Variants in ATG10 observed in about 807,000 individuals in gnomAD.
ATG10 encodes the protein ubiquitin-like-conjugating enzyme ATG10.
In ATG10, 30 loss-of-function variants were observed where a neutral mutation model predicts 32.1. The ratio of observed to expected loss-of-function variants is 0.94; its 90% confidence interval spans 0.70 to 1.27. ATG10 has a LOEUF of 1.27. Ranked by LOEUF, ATG10 falls within the 50% of genes most tolerant of loss-of-function variation. ATG10 has a pLI of 0.00. For missense variants in ATG10, 233 were observed against 262.3 expected, an observed-to-expected ratio of 0.89 and a Z score of 0.77; for synonymous variants, 87 against 91.5, an observed-to-expected ratio of 0.95 and a Z score of 0.28.
At chr5:82,155,083 G>A (rs1767753379) in intron 3 of ATG10, among the ~76,000 whole-genome samples, 1 of 152,214 alleles carries the variant, frequency 6.6e-6, no homozygotes, top group South Asian at 2.1e-4. Context: ...CTGAATTTGA[G>A]TGTAGAAGTT....
intron 3 of ATG10, among the ~76,000 whole-genome samples, chr5:82,111,874 G>A (rs1428939): frequency 0.45 from 68,984 of 151,732 alleles, 17,066 homozygotes; most frequent in East Asian, 0.78. Context: ...TATTTACAGC[G>A]TGATAGATGA....
At chr5:82,155,708 C>G (rs1273465229) in intron 3 of ATG10, among the ~76,000 whole-genome samples, 1 of 152,106 alleles carries the variant, frequency 6.6e-6, no homozygotes, top group East Asian at 1.9e-4. Context: ...ACTCTTTGTT[C>G]TTAATCTTCT....
At chr5:82,095,020 C>T (rs1765007238) in intron 3 of ATG10, among the ~76,000 whole-genome samples, 1 of 151,974 alleles carries the variant, frequency 6.6e-6, no homozygotes, top group African/African-American at 2.4e-5. Flanking sequence ...AGTTTCTGTT[C>T]TTATATATAG....
intron 3 of ATG10, among the ~76,000 whole-genome samples, chr5:82,162,557 A>G (rs1054669669): frequency 1.3e-5 from 2 of 152,162 alleles, no homozygotes; most frequent in African/African-American, 4.8e-5. Context: ...TGCACCATAG[A>G]AAAAATAGAG....
chr5:82,238,957 A>G (rs1746678552), intron 5 of ATG10, among the ~76,000 whole-genome samples: 1 of 152,148 alleles, frequency 6.6e-6, no homozygotes, highest in Non-Finnish European at 1.5e-5. Context: ...ATAAGATACT[A>G]TTTTTTAATG....
chr5:82,108,502 A>G (rs1765509043), intron 3 of ATG10, among the ~76,000 whole-genome samples: 1 of 151,862 alleles, frequency 6.6e-6, no homozygotes. Flanking sequence ...TCTCATGTAT[A>G]TGTGTGTGTA....
intron 5 of ATG10, among the ~76,000 whole-genome samples, chr5:82,202,294 G>A (rs1452172804): frequency 6.6e-6 from 1 of 152,058 alleles, no homozygotes; most frequent in Non-Finnish European, 1.5e-5. Context: ...AGTAGATTTT[G>A]AGTAAAGCAT....
intron 3 of ATG10, among the ~76,000 whole-genome samples, chr5:82,135,301 T>G (rs926857649): frequency 1.3e-5 from 2 of 152,222 alleles, no homozygotes; most frequent in African/African-American, 4.8e-5. Context: ...TCTCTAGTTC[T>G]TTTAATTGTG....
intron 1 of ATG10, among the ~76,000 whole-genome samples, chr5:81,984,164 T>G (rs1329107417): frequency 6.6e-6 from 1 of 152,242 alleles, no homozygotes; most frequent in East Asian, 1.9e-4. Context: ...CCAGACTCCG[T>G]CTGCAATCCC....
At chr5:82,013,037 C>G (rs942206383) in intron 2 of ATG10, among the ~76,000 whole-genome samples, 5 of 151,320 alleles carry the variant, frequency 3.3e-5, no homozygotes, top group African/African-American at 1.2e-4. Flanking sequence ...TCTTGGCTCA[C>G]TGCAACCTGC....
At chr5:82,120,330 G>A (rs920726860) in intron 3 of ATG10, among the ~76,000 whole-genome samples, 12 of 152,158 alleles carry the variant, frequency 7.9e-5, no homozygotes, top group African/African-American at 2.9e-4. Context: ...AGCCACTGAT[G>A]TGTTTGGCCA....
chr5:82,149,294 A>G (rs141921561), intron 3 of ATG10, among the ~76,000 whole-genome samples: 1 of 151,824 alleles, frequency 6.6e-6, no homozygotes, highest in Non-Finnish European at 1.5e-5. Context: ...TTACTAATAT[A>G]CCAGTATTTT....
At chr5:82,251,625 T>A (rs1747256091) in intron 5 of ATG10, among the ~76,000 whole-genome samples, 1 of 152,188 alleles carries the variant, frequency 6.6e-6, no homozygotes, top group Non-Finnish European at 1.5e-5. Flanking sequence ...GCTGGCATTA[T>A]CCCCTTAGGT....
At chr5:82,189,959 G>GA (rs1744593703) in intron 5 of ATG10, among the ~76,000 whole-genome samples, 1 of 151,614 alleles carries the variant, frequency 6.6e-6, no homozygotes, top group Admixed American at 6.6e-5. Context: ...CTGGATACTT[G>GA]CTCCATAGTT....
chr5:82,158,516 A>C (rs1451921573), intron 3 of ATG10, among the ~76,000 whole-genome samples: 1 of 152,086 alleles, frequency 6.6e-6, no homozygotes, highest in Admixed American at 6.6e-5. Flanking sequence ...TAGCATTTAC[A>C]TTGTATTAAG....
At chr5:82,135,408 A>G (rs980918980) in intron 3 of ATG10, among the ~76,000 whole-genome samples, 3 of 152,172 alleles carry the variant, frequency 2.0e-5, no homozygotes, top group African/African-American at 7.2e-5. Flanking sequence ...TGTGTCCCAG[A>G]GATTCTGGTA....
At chr5:82,018,783 C>G (rs951193716) in intron 2 of ATG10, among the ~76,000 whole-genome samples, 3 of 152,296 alleles carry the variant, frequency 2.0e-5, no homozygotes, top group Admixed American at 1.3e-4. Flanking sequence ...CTGCCCTGTG[C>G]AACATTTCAA....
intron 2 of ATG10, among the ~76,000 whole-genome samples, chr5:82,024,114 C>G (rs762103963): frequency 1.3e-5 from 2 of 152,120 alleles, no homozygotes; most frequent in Non-Finnish European, 2.9e-5. Flanking sequence ...CTCTCATAAA[C>G]CTCAAAGTGT....
At chr5:82,015,217 C>A (rs1762249628) in intron 2 of ATG10, among the ~76,000 whole-genome samples, 1 of 152,190 alleles carries the variant, frequency 6.6e-6, no homozygotes, top group Admixed American at 6.5e-5. Context: ...GATGGGCTTC[C>A]CTTTGTGGGT....
Sources: gnomAD v4.1 joint callset for allele counts (sites outside exome capture counted in the v4.1 genomes callset) on GRCh38, gnomAD v4.1.1 for gene constraint, MANE v1.5 for transcripts, NCBI Gene and HGNC (gene_info 2026-07-23, HGNC 2026-07-21) for gene names.